The following SHPK variants were observed in gnomAD, a reference collection of about 807,000 sequenced individuals.
The protein encoded by SHPK is sedoheptulokinase.
Under a neutral mutation model 46.3 loss-of-function variants are expected in SHPK, and 51 were observed. The observed-to-expected ratio is 1.10, with a 90% CI of 0.88 to 1.39. SHPK has a LOEUF of 1.39. Ranked by LOEUF, SHPK falls within the 40% of genes most tolerant of loss-of-function variation. The probability of loss-of-function intolerance (pLI) is 0.00; values close to 1 mark genes in which losing one functional copy is unlikely to be tolerated. For missense variants in SHPK, 668 were observed against 641.3 expected, an observed-to-expected ratio of 1.04 and a Z score of -0.45; for synonymous variants, 290 against 273.9, an observed-to-expected ratio of 1.06 and a Z score of -0.58.
intron 2 of SHPK, among the ~76,000 whole-genome samples, chr17:3,625,297 T>G (rs578080481): frequency 1.3e-5 from 2 of 152,202 alleles, no homozygotes; most frequent in African/African-American, 4.8e-5. Context: ...TTTCCTTGAA[T>G]ATAGAATCAC....
chr17:3,630,646 G>T (rs2075465110), intron 1 of SHPK, among the ~76,000 whole-genome samples: 1 of 152,190 alleles, frequency 6.6e-6, no homozygotes, highest in Admixed American at 6.5e-5. Flanking sequence ...ATCACCTGAG[G>T]TCAGGAGTTC....
chr17:3,617,135 G>A (rs923472456), intron 5 of SHPK, among the ~76,000 whole-genome samples: 2 of 152,134 alleles, frequency 1.3e-5, no homozygotes, highest in Admixed American at 1.3e-4. Flanking sequence ...GCCTCCCAAA[G>A]TGCTGGGATT....
intron 1 of SHPK, among the ~76,000 whole-genome samples, chr17:3,632,698 T>C (rs1215018835): frequency 6.6e-6 from 1 of 152,098 alleles, no homozygotes; most frequent in Non-Finnish European, 1.5e-5. Flanking sequence ...CCACGTCGAA[T>C]CCTCGCGCTT....
At chr17:3,632,551 C>T (rs988216292) in intron 1 of SHPK, among the ~76,000 whole-genome samples, 2 of 152,030 alleles carry the variant, frequency 1.3e-5, no homozygotes, top group African/African-American at 2.4e-5. Context: ...GTGGTAAAGA[C>T]AAGGAGGCAG....
At chr17:3,616,040 G>A (rs1029558601) in intron 5 of SHPK, among the ~76,000 whole-genome samples, 5 of 151,894 alleles carry the variant, frequency 3.3e-5, no homozygotes, top group Admixed American at 1.3e-4. Context: ...TTTTAGTAGA[G>A]ATGGGGTTTC....
intron 6 of SHPK, among the ~76,000 whole-genome samples, chr17:3,614,473 C>T (rs929429683): frequency 6.6e-6 from 1 of 150,762 alleles, no homozygotes; most frequent in East Asian, 1.9e-4. Context: ...TGCAGTGAGC[C>T]GAGATCGCAC....
chr17:3,625,923 G>C (rs536460889), intron 2 of SHPK, among the ~76,000 whole-genome samples: 2 of 152,204 alleles, frequency 1.3e-5, no homozygotes, highest in Non-Finnish European at 2.9e-5. Flanking sequence ...TGTGGTAGCG[G>C]GTGCCTGTAA....
Position 3,615,481 on chromosome 17 carries a change from G to A in SHPK, c.880C>T (p.Pro294Ser), listed in dbSNP as rs757145510. Reference sequence around the variant, plus strand: ...GCCGTAGGGTCTGGAGTCTGTGCAGGCTGGAATCCTGAAGGCATGGAGGCT... The same window carrying A: ...GCCGTAGGGTCTGGAGTCTGTGCAGACTGGAATCCTGAAGGCATGGAGGCT... ...LAASMPSGFQ[P>S]AQTPDPTAPV... The change falls in exon 6 of 7, where the codon CCT becomes TCT. Residue 294 changes from proline (P) to serine (S), a missense_variant. Transcript: ENST00000225519. 39 of 1,614,064 alleles carry A rather than the reference G, an allele frequency of 2.4e-5. No individual in the cohort carries two copies. Among genetic ancestry groups the A allele is most frequent in the Non-Finnish European group, 3.1e-5 (37 of 1,180,034 alleles).
At chr17:3,627,154 T>G (rs541069127) in intron 2 of SHPK, among the ~76,000 whole-genome samples, 47 of 152,196 alleles carry the variant, frequency 3.1e-4, no homozygotes, top group Non-Finnish European at 5.9e-4. Flanking sequence ...TCTTAGTTAC[T>G]GGTTCTTTAC....
chr17:3,635,240 A>AGGAAGGAAGGAAG (rs1555556012), intron 1 of SHPK, among the ~76,000 whole-genome samples: 4,415 of 139,616 alleles, frequency 0.032, 128 homozygotes, highest in East Asian at 0.1. Context: ...GAAGGAAGGA[A>AGGAAGGAAGGAAG]GGAAGGGAAG....
intron 4 of SHPK, among the ~76,000 whole-genome samples, chr17:3,623,060 C>A (rs2075412239): frequency 6.6e-6 from 1 of 152,206 alleles, no homozygotes; most frequent in Admixed American, 6.5e-5. Context: ...ACAGACTGGG[C>A]TCATGGTCAC....
At chr17:3,623,263 C>T (rs2075413218) in intron 4 of SHPK, 76 bp downstream of exon 4, 2 of 1,534,570 alleles carry the variant, frequency 1.3e-6, no homozygotes, top group Non-Finnish European at 9.0e-7. Context: ...TGGGAAAGCA[C>T]CCACTGAAGC....
In SHPK at chr17:3,615,448, C is replaced by T. The variant is rs140777774; in HGVS notation, c.913G>A (p.Ala305Thr). ...AQTPDPTAPV[A>T]YFPYFNRTYL... ...GTCCTGTTGAAGTATGGGAAGTAGG[C>T]GACTGGGGCCGTAGGGTCTGGAGTC... The change falls in exon 6 of 7, where the codon GCC (alanine) becomes ACC (threonine). Residue 305 changes from alanine to threonine, a missense_variant. Coordinates refer to ENST00000225519, the MANE Select transcript of SHPK (RefSeq NM_013276.4). 3.1e-4 allele frequency: 493 copies of T among 1,614,014 alleles called. 2 individuals are homozygous for T. Among genetic ancestry groups the T allele is most frequent in the Non-Finnish European group, 3.8e-4 (453 of 1,180,008 alleles).
Position 3,608,646 on chromosome 17 carries a change from C to T in SHPK, c.*1914G>A, listed in dbSNP as rs976195241. On this transcript the variant is annotated 3_prime_UTR_variant, in exon 7 of 7. Coordinates refer to ENST00000225519, the MANE Select transcript of SHPK (RefSeq NM_013276.4). ...TTAATATTGTCAGACCGTGGTTGAC[C>T]GCAGATAACTGAACCCATGGAAAGT... 2.0e-5 allele frequency: 3 copies of T among 152,144 alleles called. No homozygotes were observed. Among genetic ancestry groups the T allele is most frequent in the South Asian group, 4.1e-4 (2 of 4,826 alleles). The allele number at this position is 152,144 out of a possible 1,614,324, so 9.4% of individuals were successfully genotyped here.
intron 1 of SHPK, among the ~76,000 whole-genome samples, chr17:3,632,971 CTTTTTTTTTTT>C (rs34873037): frequency 3.7e-5 from 3 of 81,726 alleles, no homozygotes; most frequent in Non-Finnish European, 4.7e-5. Context: ...GCAGATATTA[CTTTTTTTTTTT>C]TTTTTTTTTT....
intron 4 of SHPK, 151 bp from the exon 5 acceptor site, chr17:3,621,563 C>CT: frequency 1.6e-6 from 1 of 641,862 alleles, no homozygotes; most frequent in South Asian, 2.1e-5. Flanking sequence ...TACTCCTTCC[C>CT]TCTTTCCCTC....
In SHPK at chr17:3,608,745, C is replaced by T. The variant is rs1287341695; in HGVS notation, c.*1815G>A. On this transcript the variant is annotated 3_prime_UTR_variant, in exon 7 of 7. Coordinates refer to ENST00000225519, the MANE Select transcript of SHPK (RefSeq NM_013276.4). ...TGGGAGACGTTTTTCTGGTAGAACACCAGGGCAAGGCTTTTCTGAGGATGA... is the reference window on the plus strand; with the variant it reads ...TGGGAGACGTTTTTCTGGTAGAACATCAGGGCAAGGCTTTTCTGAGGATGA... 1 of 152,144 alleles carries T rather than the reference C, an allele frequency of 6.6e-6. No homozygotes were observed. Among genetic ancestry groups the T allele is most frequent in the Non-Finnish European group, 1.5e-5 (1 of 68,012 alleles). 9.4% of individuals were successfully genotyped at this position (152,144 alleles called of 1,614,324 possible).
At chr17:3,615,586 G>T (rs750292051) in intron 5 of SHPK, 49 bp from the exon 6 acceptor site, 1 of 1,541,684 alleles carries the variant, frequency 6.5e-7, no homozygotes, top group African/African-American at 1.4e-5. Context: ...TAACTCAGAG[G>T]TCACAAGTCA....
intron 2 of SHPK, 60 bp downstream of exon 2, chr17:3,630,145 A>C: frequency 4.4e-6 from 7 of 1,604,478 alleles, no homozygotes; most frequent in Non-Finnish European, 6.0e-6. Context: ...CCCGCACAGC[A>C]CTGCTCTAGT....
Sources: gnomAD v4.1 joint callset for allele counts (sites outside exome capture counted in the v4.1 genomes callset) on GRCh38, gnomAD v4.1.1 for gene constraint, MANE v1.5 for transcripts, NCBI Gene and HGNC (gene_info 2026-07-23, HGNC 2026-07-21) for gene names.